Variants in TNRC18 observed in about 807,000 individuals in gnomAD.
The protein encoded by TNRC18 is trinucleotide repeat-containing gene 18 protein.
Under a neutral mutation model 226.7 loss-of-function variants are expected in TNRC18, and 69 were observed. The ratio of observed to expected loss-of-function variants is 0.30; its 90% CI spans 0.25 to 0.37. The LOEUF (loss-of-function observed/expected upper bound fraction) is 0.37. Ranked by LOEUF, TNRC18 falls within the 10% of genes least tolerant of loss-of-function variation. The pLI is 1.00. For synonymous variants in TNRC18, 2,449 were observed against 1,927.6 expected (o/e 1.27, Z -7.09); for missense variants, 4,754 against 4,256.6 (o/e 1.12, Z -3.25).
intron 2 of TNRC18, among the ~76,000 whole-genome samples, chr7:5,400,622 A>G (rs960447390): frequency 1.3e-5 from 2 of 152,120 alleles, no homozygotes; most frequent in Non-Finnish European, 2.9e-5. Flanking sequence ...AAATAAATAA[A>G]TATTCAATTT....
At chr7:5,412,244 GAAAA>G (rs55864404) in intron 2 of TNRC18, among the ~76,000 whole-genome samples, 2,732 of 71,720 alleles carry the variant, frequency 0.038, 93 homozygotes, top group African/African-American at 0.082. Flanking sequence ...AATTCCAAAT[GAAAA>G]AAAAAAAAAA....
chr7:5,387,581 T>G (rs186192120), intron 5 of TNRC18, 91 bp downstream of exon 5: 1 of 1,514,328 alleles, frequency 6.6e-7, no homozygotes, highest in Non-Finnish European at 8.9e-7. Flanking sequence ...GACTTAGCAA[T>G]AGCAAAGGGA....
chr7:5,390,443 G>A, intron 4 of TNRC18, 42 bp downstream of exon 4: 1 of 1,610,296 alleles, frequency 6.2e-7, no homozygotes, highest in Non-Finnish European at 8.5e-7. Flanking sequence ...AAGCCTCTCA[G>A]AAGGCCCCTG....
intron 2 of TNRC18, among the ~76,000 whole-genome samples, chr7:5,411,515 CAAAAAAAAA>C (rs764197407): frequency 2.4e-4 from 16 of 65,448 alleles, no homozygotes; most frequent in African/African-American, 9.3e-4. Context: ...AAGACTCTGT[CAAAAAAAAA>C]AAAAAAAAAA....
intron 18 of TNRC18, among the ~76,000 whole-genome samples, chr7:5,334,196 C>A (rs1789844041): frequency 6.6e-6 from 1 of 152,244 alleles, no homozygotes; most frequent in Admixed American, 6.5e-5. Flanking sequence ...GAGAGGCTTG[C>A]TCTGCACTGC....
At position 5,388,726 on chromosome 7, in the gene TNRC18, C is replaced by A; in HGVS notation, c.1098G>T (p.Glu366Asp). ...CGAAGGTGGGCGCCACCACGCGGTG[C>A]TCACGGCCCTGCTCGCGGAAGACGG... ...VYTVFREQGR[E>D]HRVVAPTFVP... The change falls in exon 5 of 30, where the codon GAG (glutamate) becomes GAT (aspartate). Residue 366 changes from glutamate (E) to aspartate (D), a missense_variant. Glu to Asp is a conservative substitution (Grantham distance 45). Coordinates refer to ENST00000430969, the MANE Select transcript of TNRC18 (RefSeq NM_001080495.3). 1 of 1,261,256 alleles carries A rather than the reference C, an allele frequency of 7.9e-7. No individual in the cohort carries two copies. The highest frequency in any genetic ancestry group is 2.2e-5 in the South Asian group (1 of 45,300). 78.1% of individuals were successfully genotyped at this position (1,261,256 alleles called of 1,614,324 possible).
In TNRC18 at chr7:5,352,106, G is replaced by A; in HGVS notation, c.5195-12C>T. On this transcript the variant is annotated splice_polypyrimidine_tract_variant and intron_variant, in intron 16 of 29. Coordinates refer to ENST00000430969, the MANE Select transcript of TNRC18 (RefSeq NM_001080495.3). ...CTCTGAGTCCGTATCTGCAGTCAAAGTAGTTTTTAATAGAGATAAGTCACA... is the reference window on the plus strand; with the variant it reads ...CTCTGAGTCCGTATCTGCAGTCAAAATAGTTTTTAATAGAGATAAGTCACA... 6.3e-7 allele frequency: 1 copy of A among 1,590,754 alleles called. No individual in the cohort carries two copies. The highest frequency in any genetic ancestry group is 1.7e-4 in the Middle Eastern group (1 of 5,958).
intron 19 of TNRC18, among the ~76,000 whole-genome samples, chr7:5,328,272 C>T (rs1226333585): frequency 1.3e-5 from 2 of 152,100 alleles, no homozygotes; most frequent in Non-Finnish European, 2.9e-5. Flanking sequence ...CCTGTAATCC[C>T]AACGCTTCGG....
At chr7:5,332,584 G>T in intron 19 of TNRC18, 38 bp downstream of exon 19, 3 of 1,501,734 alleles carry the variant, frequency 2.0e-6, no homozygotes, top group Non-Finnish European at 1.8e-6. Context: ...GAACCCCAGG[G>T]ACCCTTCTGC....
Position 5,313,366 on chromosome 7 carries a change from C to G in TNRC18, c.7525G>C (p.Gly2509Arg), listed in dbSNP as rs555208033. The change falls in exon 27 of 30, where the codon GGC becomes CGC. Residue 2509 changes from glycine (G) to arginine (R), a missense_variant. By Grantham distance (125) the Gly-to-Arg change is moderately radical. Coordinates refer to ENST00000430969, the MANE Select transcript of TNRC18 (RefSeq NM_001080495.3). ...CAGGGTGCCTTGGGCTCGCTGCTGC[C>G]GGCCGCGGGGGGATAGCTGCCCAGG... ...LSLGSYPPAAGSSEPKAPWPK... is the reference protein window; with the variant it reads ...LSLGSYPPAARSSEPKAPWPK... 3 of 1,574,428 alleles carry G rather than the reference C, an allele frequency of 1.9e-6. No homozygotes were observed. The highest frequency in any genetic ancestry group is 1.7e-6 in the Non-Finnish European group (2 of 1,161,512).
intron 21 of TNRC18, among the ~76,000 whole-genome samples, chr7:5,322,076 A>G (rs889220230): frequency 4.6e-5 from 7 of 151,918 alleles, no homozygotes; most frequent in Non-Finnish European, 7.4e-5. Context: ...TCAGAAGATC[A>G]AGACCATCCT....
Position 5,322,670 on chromosome 7 carries a change from C to T in TNRC18, c.6443-1480G>A, listed in dbSNP as rs557239951. Among the ~76,000 whole-genome samples, 5 of 152,352 alleles carry T rather than the reference C, an allele frequency of 3.3e-5. No homozygotes were observed. The East Asian group carries it at 9.7e-4, about 29-fold the overall frequency. ...GGGCAAACTTGCCGACGGCGGTCAC[C>T]TCTCATTGCCCCAACCCTCTGCTCC... On this transcript the variant is annotated intron_variant, in intron 21 of 29. Transcript: ENST00000430969.
chr7:5,361,288 C>T (rs572014894), intron 14 of TNRC18, among the ~76,000 whole-genome samples: 7 of 152,214 alleles, frequency 4.6e-5, no homozygotes, highest in Admixed American at 2.0e-4. Context: ...GGAGGAGGCG[C>T]GTGGAAAAGA....
rs1366303303 is a variant in TNRC18, at chr7:5,370,700, C to A, written c.3894G>T (p.Val1298=). 2.5e-6 allele frequency: 4 copies of A among 1,610,676 alleles called. No individual in the cohort carries two copies. In the African/African-American group the frequency reaches 5.3e-5, roughly 22 times the overall value. Residue 1298 remains valine (V), a synonymous_variant, in exon 11 of 30, where the codon GTG becomes GTT. Transcript: ENST00000430969. Reference sequence around the variant, plus strand: ...TCGGGCACTGTCCCTCCCCGGCGGGCACGTCACAGTCTGACATTTCTAGGG... The same window carrying A: ...TCGGGCACTGTCCCTCCCCGGCGGGAACGTCACAGTCTGACATTTCTAGGG... ...QPTLEMSDCD[V]PAGEGQCPSL...
intron 26 of TNRC18, among the ~76,000 whole-genome samples, chr7:5,314,560 CTT>C (rs1420823873): frequency 3.6e-5 from 4 of 111,350 alleles, no homozygotes; most frequent in African/African-American, 1.3e-4. Flanking sequence ...GCAGAGTTCT[CTT>C]CTTTTTTTTT....
intron 4 of TNRC18, 40 bp from the exon 5 acceptor site, chr7:5,389,376 C>A (rs1780103456): frequency 8.1e-7 from 1 of 1,236,894 alleles, no homozygotes; most frequent in Admixed American, 4.1e-5. Context: ...CGAGCGCCAC[C>A]TCCCCTCCCA....
intron 2 of TNRC18, chr7:5,420,017 C>T (rs946376523): frequency 1.8e-5 from 3 of 163,776 alleles, no homozygotes; most frequent in Admixed American, 1.2e-4. Context: ...CTTGGGACGC[C>T]AAGCACAAAA....
rs1448852489 is a variant in TNRC18 at position 5,309,572 on chromosome 7, G to C, written c.8389-204C>G. On this transcript the variant is annotated intron_variant, in intron 27 of 29. Coordinates refer to ENST00000430969, the MANE Select transcript of TNRC18 (RefSeq NM_001080495.3). The surrounding 1 kb of genome is among the most constrained non-coding windows in gnomAD (Gnocchi z 5.7). ...CTTTGACATGCTGGGTCTCCAAGAG[G>C]CGCTTCCCTTGATCTAAGCATTCTG... Among the ~76,000 whole-genome samples, 2 of 152,248 alleles carry C rather than the reference G, an allele frequency of 1.3e-5. No individual in the cohort carries two copies. Among genetic ancestry groups the C allele is most frequent in the African/African-American group, 4.8e-5 (2 of 41,480 alleles).
In TNRC18 at chr7:5,315,962, T is replaced by C; in HGVS notation, c.6856A>G (p.Ile2286Val). The change falls in exon 25 of 30, where the codon ATA (isoleucine) becomes GTA (valine). Residue 2286 changes from isoleucine (I) to valine (V), a missense_variant. Coordinates refer to ENST00000430969, the MANE Select transcript of TNRC18 (RefSeq NM_001080495.3). ...HIRLLPPDYK[I>V]QCAEPSPALL... ...TCATGAGCTTGTCACTTACACTGTA[T>C]CTTATAGTCAGGGGGCAGGAGGCGG... 1 of 1,593,086 alleles carries C rather than the reference T, an allele frequency of 6.3e-7. No homozygotes were observed. Among genetic ancestry groups the C allele is most frequent in the Non-Finnish European group, 8.5e-7 (1 of 1,171,142 alleles).
Sources: allele counts gnomAD v4.1 joint callset (sites outside exome capture counted in the v4.1 genomes callset), GRCh38; gene constraint gnomAD v4.1.1; non-coding constraint Gnocchi (gnomAD v3.1); transcripts MANE v1.5; gene names NCBI Gene and HGNC (gene_info 2026-07-23, HGNC 2026-07-21).